The following CACNA2D1 variants were observed in gnomAD, a reference collection of about 807,000 sequenced individuals.
CACNA2D1 encodes the protein voltage-dependent calcium channel subunit alpha-2/delta-1.
CACNA2D1 carries 53 observed loss-of-function variants against 171.5 expected under a neutral mutation model. The observed-to-expected ratio is 0.31, with a 90% CI of 0.25 to 0.39. CACNA2D1 has a LOEUF of 0.39. Among genes scored for constraint, CACNA2D1 ranks in the 10% least tolerant of loss-of-function variants. The pLI is 1.00. For missense variants in CACNA2D1, 903 were observed against 1,299.8 expected (o/e 0.69, Z 4.69); for synonymous variants, 442 against 443.1 (o/e 1.00, Z 0.03).
At chr7:82,431,815 G>T (rs770770198) in intron 1 of CACNA2D1, among the ~76,000 whole-genome samples, 2 of 151,920 alleles carry the variant, frequency 1.3e-5, no homozygotes, top group East Asian at 1.9e-4. Context: ...GAGGTGGGTG[G>T]ATTACTGAGG....
At chr7:82,194,345 G>C (rs370827260) in intron 3 of CACNA2D1, among the ~76,000 whole-genome samples, 1 of 151,976 alleles carries the variant, frequency 6.6e-6, no homozygotes, top group African/African-American at 2.4e-5. Context: ...ACTCCTGCAT[G>C]TTCATGCAGG....
chr7:82,397,155 T>G (rs1825828015), intron 1 of CACNA2D1, among the ~76,000 whole-genome samples: 1 of 152,142 alleles, frequency 6.6e-6, no homozygotes, highest in African/African-American at 2.4e-5. Flanking sequence ...ACTAACTCGC[T>G]TTCCCCAAAA....
At chr7:82,064,478 T>C in intron 8 of CACNA2D1, 124 bp from the exon 9 acceptor site, 1 of 633,578 alleles carries the variant, frequency 1.6e-6, no homozygotes, top group East Asian at 2.8e-5. Flanking sequence ...CACTTCTATC[T>C]AAGTAGACAA....
At chr7:82,441,310 C>T (rs1830489500) in intron 1 of CACNA2D1, among the ~76,000 whole-genome samples, 1 of 151,976 alleles carries the variant, frequency 6.6e-6, no homozygotes, top group African/African-American at 2.4e-5. Flanking sequence ...CAGAAGGCTT[C>T]CAAAAATATT....
intron 34 of CACNA2D1, among the ~76,000 whole-genome samples, chr7:81,962,761 G>A (rs1370970956): frequency 2.0e-5 from 3 of 151,958 alleles, no homozygotes; most frequent in African/African-American, 7.2e-5. Context: ...ATGTTATCAA[G>A]CAGAAGAGTT....
intron 3 of CACNA2D1, among the ~76,000 whole-genome samples, chr7:82,198,952 T>C (rs537675838): frequency 2.6e-5 from 4 of 152,204 alleles, no homozygotes; most frequent in Admixed American, 2.6e-4. Flanking sequence ...TATAATTGTG[T>C]ATTCTCATTT....
intron 3 of CACNA2D1, among the ~76,000 whole-genome samples, chr7:82,308,561 C>G (rs1814029571): frequency 6.6e-6 from 1 of 152,150 alleles, no homozygotes; most frequent in Non-Finnish European, 1.5e-5. Context: ...CCAAATACAA[C>G]TCTCCAATAT....
At chr7:82,085,315 T>C (rs1478502499) in intron 6 of CACNA2D1, among the ~76,000 whole-genome samples, 1 of 152,116 alleles carries the variant, frequency 6.6e-6, no homozygotes, top group African/African-American at 2.4e-5. Flanking sequence ...CTCCAGACTG[T>C]CAGATGGCCC....
intron 3 of CACNA2D1, among the ~76,000 whole-genome samples, chr7:82,310,919 C>A (rs1352282114): frequency 6.6e-6 from 1 of 152,078 alleles, no homozygotes; most frequent in Non-Finnish European, 1.5e-5. Context: ...GTTCTGACCA[C>A]AAATTAGCTT....
intron 18 of CACNA2D1, among the ~76,000 whole-genome samples, chr7:82,002,957 A>G (rs1317746214): frequency 6.6e-6 from 1 of 152,060 alleles, no homozygotes; most frequent in Admixed American, 6.6e-5. Flanking sequence ...TAGATATAGC[A>G]TTATTTTTCT....
intron 7 of CACNA2D1, among the ~76,000 whole-genome samples, chr7:82,073,325 A>C (rs1808545591): frequency 6.6e-6 from 1 of 152,154 alleles, no homozygotes; most frequent in South Asian, 2.1e-4. Context: ...TCTAGTACTT[A>C]TGATCTTGAC....
At chr7:82,348,311 C>T (rs1819475615) in intron 2 of CACNA2D1, among the ~76,000 whole-genome samples, 1 of 152,128 alleles carries the variant, frequency 6.6e-6, no homozygotes, top group Non-Finnish European at 1.5e-5. Flanking sequence ...CACAGTGAAT[C>T]ATTGCAGATC....
At chr7:82,425,634 A>T (rs968749605) in intron 1 of CACNA2D1, among the ~76,000 whole-genome samples, 1 of 150,170 alleles carries the variant, frequency 6.7e-6, no homozygotes, top group Non-Finnish European at 1.5e-5. Flanking sequence ...CCCAACGTTC[A>T]GGCTCAAGTG....
intron 2 of CACNA2D1, 133 bp from the exon 3 acceptor site, chr7:82,335,384 G>A: frequency 4.4e-6 from 3 of 674,578 alleles, no homozygotes; most frequent in Non-Finnish European, 5.2e-6. Flanking sequence ...GATCTTTTTG[G>A]AGTTTGAGTG....
intron 3 of CACNA2D1, among the ~76,000 whole-genome samples, chr7:82,325,333 C>T (rs903327978): frequency 7.1e-4 from 108 of 152,108 alleles, no homozygotes; most frequent in African/African-American, 2.4e-3. Flanking sequence ...GAATTTTATT[C>T]GGTAGCTAAA....
At position 82,219,255 on chromosome 7, in the gene CACNA2D1, A is replaced by T. The variant is rs3801709; in HGVS notation, c.295-48646T>A. ...AAATCTCTGCTACTTAGTAGGAAAT[A>T]ATTTGATAGTTTGTATTATTGACAA... On this transcript the variant is annotated intron_variant, in intron 3 of 38. Transcript: ENST00000356860. 4.3e-3 allele frequency among the ~76,000 whole-genome samples: 658 copies of T among 152,256 alleles called. 12 individuals carry two copies. In the East Asian group the frequency reaches 0.071, roughly 16 times the overall value.
At chr7:82,342,655 T>G (rs1428643590) in intron 2 of CACNA2D1, among the ~76,000 whole-genome samples, 1 of 152,078 alleles carries the variant, frequency 6.6e-6, no homozygotes, top group Non-Finnish European at 1.5e-5. Flanking sequence ...TGAAGAGATA[T>G]AGAAATGTAT....
intron 3 of CACNA2D1, among the ~76,000 whole-genome samples, chr7:82,299,049 C>T (rs1189447527): frequency 7.9e-6 from 1 of 127,206 alleles, no homozygotes; most frequent in Non-Finnish European, 1.6e-5. Context: ...GTGAAAAGAG[C>T]GAGACTCTGT....
chr7:82,288,379 T>C lies in CACNA2D1; in HGVS notation c.294+46756A>G, dbSNP rs374307732. Among the ~76,000 whole-genome samples the C allele has an allele frequency of 2.7e-3, 404 of 151,894 alleles. 1 individual carries two copies. The highest frequency in any genetic ancestry group is 5.5e-3 in the African/African-American group (229 of 41,406). ...GCAGTTAAGGTAACTGAAGGGACTA[T>C]AGAAGGAGCACTCACATTAAAAGAT... On this transcript the variant is annotated intron_variant, in intron 3 of 38. Transcript: ENST00000356860.
Sources: gnomAD v4.1 joint callset for allele counts (sites outside exome capture counted in the v4.1 genomes callset) on GRCh38, gnomAD v4.1.1 for gene constraint, MANE v1.5 for transcripts, NCBI Gene and HGNC (gene_info 2026-07-23, HGNC 2026-07-21) for gene names.